RBFOX1: variants seen among roughly 807,000 people sequenced by gnomAD.
RBFOX1 encodes the protein RNA binding fox-1 homolog 1.
A neutral mutation model predicts 57.7 loss-of-function variants in RBFOX1; 8 were observed. That is an observed-to-expected ratio of 0.14 (90% CI 0.08 to 0.25). The LOEUF is 0.25. Among genes scored for constraint, RBFOX1 ranks in the 10% least tolerant of loss-of-function variants. The probability of loss-of-function intolerance (pLI) is 1.00; values close to 1 mark genes in which losing one functional copy is unlikely to be tolerated. For missense variants in RBFOX1, 611 were observed against 548.5 expected (o/e 1.11, Z -1.14); for synonymous variants, 326 against 222.4 (o/e 1.47, Z -4.15).
intron 3 of RBFOX1, among the ~76,000 whole-genome samples, chr16:5,732,950 G>A (rs1000574625): frequency 7.2e-5 from 11 of 152,156 alleles, no homozygotes; most frequent in African/African-American, 2.7e-4. Context: ...TTGGTGGGTT[G>A]AGCTTTTTGG....
At chr16:7,265,267 T>C (rs150131823) in intron 4 of RBFOX1, among the ~76,000 whole-genome samples, 227 of 152,004 alleles carry the variant, frequency 1.5e-3, no homozygotes, top group African/African-American at 5.3e-3. Context: ...GGTAGTAGGA[T>C]GGTCTAGTTA....
intron 4 of RBFOX1, among the ~76,000 whole-genome samples, chr16:7,320,547 C>A (rs1021456424): frequency 6.6e-6 from 1 of 152,178 alleles, no homozygotes; most frequent in Admixed American, 6.5e-5. Context: ...AATCTTACAA[C>A]CACTTTTGTA....
intron 3 of RBFOX1, among the ~76,000 whole-genome samples, chr16:5,821,977 G>A (rs976257342): frequency 2.0e-5 from 3 of 152,198 alleles, no homozygotes; most frequent in Non-Finnish European, 4.4e-5. Context: ...AATTTTTGGA[G>A]GGGACACAAA....
rs538424084 is a variant in RBFOX1, at chr16:6,488,165, C to T, written c.-63-166438C>T. ...GTATATGAGGAAGGCCTCTGCCAGC[C>T]CTTCCTTTGCTCTTCATGGTAATTC... On this transcript the variant is annotated intron_variant, in intron 2 of 15. Coordinates refer to ENST00000550418, the MANE Select transcript of RBFOX1 (RefSeq NM_018723.4). Among the ~76,000 whole-genome samples the T allele has an allele frequency of 1.4e-4, 21 of 152,248 alleles. No individual in the cohort carries two copies. In the South Asian group the frequency reaches 4.4e-3, roughly 32 times the overall value.
At chr16:5,444,683 A>C (rs1320329516) in intron 1 of RBFOX1, among the ~76,000 whole-genome samples, 1 of 152,088 alleles carries the variant, frequency 6.6e-6, no homozygotes, top group Non-Finnish European at 1.5e-5. Context: ...ACAAGGGAAA[A>C]ATATGGGGCT....
chr16:7,218,029 G>T (rs2092379883), intron 4 of RBFOX1, among the ~76,000 whole-genome samples: 1 of 151,574 alleles, frequency 6.6e-6, no homozygotes, highest in African/African-American at 2.4e-5. Context: ...TGTGGGGTGT[G>T]TGCGCGCGTG....
At chr16:6,109,512 G>A (rs1010043115) in intron 1 of RBFOX1, among the ~76,000 whole-genome samples, 2 of 152,094 alleles carry the variant, frequency 1.3e-5, no homozygotes, top group Admixed American at 6.5e-5. Context: ...TATATTTGTT[G>A]TAAAAAACTC....
intron 4 of RBFOX1, chr16:7,332,929 G>T (rs1568253757): frequency 6.2e-7 from 1 of 1,604,570 alleles, no homozygotes; most frequent in Non-Finnish European, 8.5e-7. Context: ...GGAAGAAGTT[G>T]GGTCTATAGA....
intron 2 of RBFOX1, among the ~76,000 whole-genome samples, chr16:5,468,881 C>T (rs1011775659): frequency 6.6e-5 from 10 of 152,218 alleles, no homozygotes; most frequent in Non-Finnish European, 1.0e-4. Flanking sequence ...GGACAGAGGT[C>T]GCTACTTCTT....
rs1251564524 is a variant in RBFOX1, at chr16:5,667,397, GTTTA to G, written c.318+68439_318+68442del. On this transcript the variant is annotated intron_variant, in intron 3 of 19. Transcript: ENST00000641259. The stretch of plus-strand genomic sequence containing the variant: ...GCACATTGCCATTTGGTTCTACATT[GTTTA>G]TTAATTTCTATTTTGATTTTCTGTT... Among the ~76,000 whole-genome samples the G allele has an allele frequency of 2.0e-5, 3 of 152,106 alleles. No individual in the cohort carries two copies. The East Asian group carries it at 5.8e-4, about 29-fold the overall frequency.
intron 2 of RBFOX1, among the ~76,000 whole-genome samples, chr16:6,551,102 G>A (rs935126475): frequency 1.8e-4 from 27 of 152,176 alleles, no homozygotes; most frequent in Admixed American, 1.4e-3. Context: ...ATGGCTCTGC[G>A]TTTTGGGTTA....
chr16:6,767,404 G>A (rs1302567549), intron 3 of RBFOX1, among the ~76,000 whole-genome samples: 1 of 152,182 alleles, frequency 6.6e-6, no homozygotes, highest in Non-Finnish European at 1.5e-5. Context: ...CTAGGACTGA[G>A]TTCCAATTCT....
intron 4 of RBFOX1, among the ~76,000 whole-genome samples, chr16:7,136,532 G>A (rs1055650099): frequency 2.6e-5 from 4 of 151,036 alleles, no homozygotes; most frequent in South Asian, 2.1e-4. Context: ...TCATCCGCTC[G>A]AGTAGCTGGG....
chr16:5,510,285 G>A (rs71390666), intron 2 of RBFOX1, among the ~76,000 whole-genome samples: 29,270 of 152,178 alleles, frequency 0.19, 2,884 homozygotes, highest in African/African-American at 0.26. Flanking sequence ...GAGTTGCGTG[G>A]GGTTCAGCAG....
intron 1 of RBFOX1, among the ~76,000 whole-genome samples, chr16:6,276,715 A>C (rs1216170903): frequency 6.6e-6 from 1 of 152,086 alleles, no homozygotes; most frequent in Non-Finnish European, 1.5e-5. Context: ...TGGTCGCATT[A>C]AGTTCCCAAG....
chr16:6,172,418 C>G (rs745417184), intron 1 of RBFOX1, among the ~76,000 whole-genome samples: 1 of 152,168 alleles, frequency 6.6e-6, no homozygotes, highest in Non-Finnish European at 1.5e-5. Flanking sequence ...TCCCTGTGAG[C>G]AAACCCTTGG....
At chr16:6,314,767 A>G (rs954150492) in intron 1 of RBFOX1, among the ~76,000 whole-genome samples, 3 of 152,194 alleles carry the variant, frequency 2.0e-5, no homozygotes, top group African/African-American at 4.8e-5. Context: ...TGTACTAGGG[A>G]TTCAGTGAAA....
At chr16:6,885,532 A>AT (rs1420524388) in intron 3 of RBFOX1, among the ~76,000 whole-genome samples, 5 of 133,982 alleles carry the variant, frequency 3.7e-5, no homozygotes, top group South Asian at 2.4e-4. Context: ...TTATTTTTTT[A>AT]TTTTTTTTAT....
intron 2 of RBFOX1, among the ~76,000 whole-genome samples, chr16:6,536,920 G>A (rs547579319): frequency 6.6e-6 from 1 of 152,280 alleles, no homozygotes; most frequent in South Asian, 2.1e-4. Flanking sequence ...TCTAAATTAT[G>A]TGTATACAAA....
Sources: gnomAD v4.1 joint callset for allele counts (sites outside exome capture counted in the v4.1 genomes callset) on GRCh38, gnomAD v4.1.1 for gene constraint, MANE v1.5 for transcripts, NCBI Gene and HGNC (gene_info 2026-07-23, HGNC 2026-07-21) for gene names.